PIP5K1B: variants seen among roughly 807,000 people sequenced by gnomAD.
The protein encoded by PIP5K1B is phosphatidylinositol 4-phosphate 5-kinase type-1 beta.
PIP5K1B carries 42 observed loss-of-function variants against 67.0 expected under a neutral mutation model. That is an observed-to-expected ratio of 0.63 (90% CI 0.49 to 0.81). PIP5K1B has a LOEUF of 0.81. Ranked by LOEUF, PIP5K1B falls within the 30% of genes least tolerant of loss-of-function variation. PIP5K1B has a pLI of 0.00. For synonymous variants in PIP5K1B, 214 were observed against 231.4 expected, an observed-to-expected ratio of 0.92 and a Z score of 0.68; for missense variants, 459 against 646.3, an observed-to-expected ratio of 0.71 and a Z score of 3.14.
chr9:68,732,578 A>G (rs895686242), intron 1 of PIP5K1B, among the ~76,000 whole-genome samples: 2 of 152,198 alleles, frequency 1.3e-5, no homozygotes, highest in African/African-American at 4.8e-5. Flanking sequence ...AGAGGAGATC[A>G]GAGGAGGCAC....
At position 68,822,736 on chromosome 9, in the gene PIP5K1B, G is replaced by A. The variant is rs1227834155; in HGVS notation, c.69+53G>A. 51 of 1,243,568 alleles carry A rather than the reference G, an allele frequency of 4.1e-5. 1 individual carries two copies. In the Admixed American group the frequency reaches 5.6e-4, roughly 14 times the overall value. 77.0% of individuals were successfully genotyped at this position (1,243,568 alleles called of 1,614,324 possible). A position where few individuals can be genotyped will look rare whatever the true frequency, so the allele number is the denominator to read the frequency against. On this transcript the variant is annotated intron_variant, in intron 4 of 15. Coordinates refer to ENST00000265382, the MANE Select transcript of PIP5K1B (RefSeq NM_003558.4). ...GGAACACCGTTTTGCTGTTTGGCAC[G>A]TGAATATTATCAAAGGCCTTTCCTT...
At chr9:68,824,415 C>T (rs1477477260) in intron 4 of PIP5K1B, 1 of 329,562 alleles carries the variant, frequency 3.0e-6, no homozygotes, top group Non-Finnish European at 5.8e-6. Flanking sequence ...TGATTAATGT[C>T]TCCAGTAGGA....
At chr9:68,751,509 G>C (rs556379023) in intron 2 of PIP5K1B, among the ~76,000 whole-genome samples, 1 of 152,330 alleles carries the variant, frequency 6.6e-6, no homozygotes, top group Non-Finnish European at 1.5e-5. Context: ...TGAGAGAATA[G>C]AGGCAGGGAG....
intron 4 of PIP5K1B, among the ~76,000 whole-genome samples, chr9:68,856,668 A>G (rs1382312665): frequency 6.6e-6 from 1 of 152,226 alleles, no homozygotes; most frequent in Non-Finnish European, 1.5e-5. Flanking sequence ...TTTTCGGCTT[A>G]TGCTTCGCAC....
At chr9:68,885,414 A>C (rs754855232) in intron 6 of PIP5K1B, among the ~76,000 whole-genome samples, 21 of 152,226 alleles carry the variant, frequency 1.4e-4, no homozygotes, top group Non-Finnish European at 3.1e-4. Context: ...GAACACAGTT[A>C]ATGTATATCT....
At chr9:68,857,873 GA>G (rs1426056586) in intron 4 of PIP5K1B, among the ~76,000 whole-genome samples, 1 of 152,030 alleles carries the variant, frequency 6.6e-6, no homozygotes, top group Non-Finnish European at 1.5e-5. Context: ...TACCGAAGAG[GA>G]ATGAAGGAGA....
intron 14 of PIP5K1B, chr9:68,963,364 G>A (rs773642732): frequency 2.7e-5 from 10 of 370,934 alleles, no homozygotes; most frequent in South Asian, 6.2e-5. Flanking sequence ...TTAGCTGGGC[G>A]TGGTGGTGCA....
chr9:68,918,428 A>T (rs182334759), intron 9 of PIP5K1B, among the ~76,000 whole-genome samples: 3 of 152,298 alleles, frequency 2.0e-5, no homozygotes, highest in Admixed American at 1.3e-4. Context: ...AATAAGAATG[A>T]TGTTCGCAAT....
rs1474577523 is a variant in PIP5K1B, at chr9:68,991,204, C to T, written c.1567C>T (p.Pro523Ser). Residue 523 changes from proline (P) to serine (S), a missense_variant, in exon 15 of 16, where the codon CCC becomes TCC. Physicochemically the swap from Pro to Ser is moderately conservative, Grantham distance 74 (BLOSUM62 -1). Transcript: ENST00000265382. Reference sequence around the variant, plus strand: ...GGGGACCATCTACTTGACCGCTGAGCCCAACACTCTGGAAGTGCAGGATGA... The same window carrying T: ...GGGGACCATCTACTTGACCGCTGAGTCCAACACTCTGGAAGTGCAGGATGA... ...EEGTIYLTAEPNTLEVQDDNA... is the reference protein window; with the variant it reads ...EEGTIYLTAESNTLEVQDDNA... 1 of 1,612,106 alleles carries T rather than the reference C, an allele frequency of 6.2e-7. No homozygotes were observed. Among genetic ancestry groups the T allele is most frequent in the African/African-American group, 1.3e-5 (1 of 74,850 alleles).
chr9:68,725,860 G>T (rs1333941936), intron 1 of PIP5K1B, among the ~76,000 whole-genome samples: 1 of 152,152 alleles, frequency 6.6e-6, no homozygotes, highest in Non-Finnish European at 1.5e-5. Context: ...TAAGTTTATT[G>T]CTTATTCCGT....
intron 8 of PIP5K1B, among the ~76,000 whole-genome samples, chr9:68,913,115 GA>G (rs1277488714): frequency 6.6e-6 from 1 of 152,142 alleles, no homozygotes. Flanking sequence ...GAGAGAGAAG[GA>G]AGAAAGAATC....
At chr9:68,918,090 TA>T (rs368457773) in intron 9 of PIP5K1B, among the ~76,000 whole-genome samples, 3,358 of 134,814 alleles carry the variant, frequency 0.025, 170 homozygotes, top group Non-Finnish European at 0.038. Flanking sequence ...ATTGTTTATT[TA>T]TTTATTTTTT....
chr9:68,770,311 G>A (rs541598408), intron 2 of PIP5K1B, among the ~76,000 whole-genome samples: 25 of 152,308 alleles, frequency 1.6e-4, no homozygotes, highest in Admixed American at 1.6e-3. Context: ...CCCTCAGGAA[G>A]GGGAGTGGCA....
At chr9:68,734,019 A>C (rs1177223326) in intron 1 of PIP5K1B, among the ~76,000 whole-genome samples, 3 of 152,154 alleles carry the variant, frequency 2.0e-5, no homozygotes, top group Non-Finnish European at 4.4e-5. Context: ...TAAGAGCTTG[A>C]ATTTGGGCTG....
At chr9:69,002,290 G>A (rs1215471055) in intron 15 of PIP5K1B, among the ~76,000 whole-genome samples, 3 of 152,234 alleles carry the variant, frequency 2.0e-5, no homozygotes, top group South Asian at 2.1e-4. Context: ...TTGGAAGAGA[G>A]TAACGTCACC....
At position 68,991,182 on chromosome 9, in the gene PIP5K1B, G is replaced by A; in HGVS notation, c.1545G>A (p.Gly515=). 6.2e-7 allele frequency: 1 copy of A among 1,611,716 alleles called. No homozygotes were observed. Among genetic ancestry groups the A allele is most frequent in the Non-Finnish European group, 8.5e-7 (1 of 1,177,856 alleles). ...PSSSTFTLEE[G]TIYLTAEPNT... is the part of the protein sequence containing the mutation. ...GTTCAACATTTACCTTGGAAGAGGG[G>A]ACCATCTACTTGACCGCTGAGCCCA... Residue 515 remains glycine, a synonymous_variant, in exon 15 of 16, where the codon GGG becomes GGA. Transcript: ENST00000265382.
At chr9:68,770,319 G>GC (rs1830617365) in intron 2 of PIP5K1B, among the ~76,000 whole-genome samples, 2 of 152,138 alleles carry the variant, frequency 1.3e-5, no homozygotes, top group Admixed American at 1.3e-4. Context: ...AAGGGGAGTG[G>GC]CAAGTTTAAA....
chr9:68,711,502 G>A (rs555824412), intron 1 of PIP5K1B, among the ~76,000 whole-genome samples: 5 of 152,306 alleles, frequency 3.3e-5, no homozygotes, highest in Admixed American at 1.3e-4. Context: ...TCTGGCAGGT[G>A]GTGAGGATTT....
intron 1 of PIP5K1B, among the ~76,000 whole-genome samples, chr9:68,712,624 G>A (rs577074302): frequency 6.6e-6 from 1 of 152,154 alleles, no homozygotes; most frequent in Non-Finnish European, 1.5e-5. Context: ...CATCATTTAG[G>A]TTACTCAAGC....
Sources: allele counts gnomAD v4.1 joint callset (sites outside exome capture counted in the v4.1 genomes callset), GRCh38; gene constraint gnomAD v4.1.1; transcripts MANE v1.5; gene names NCBI Gene and HGNC (gene_info 2026-07-23, HGNC 2026-07-21).